The following PCDHA7 variants were observed in gnomAD, a reference collection of about 807,000 sequenced individuals.
The protein encoded by PCDHA7 is protocadherin alpha-7.
PCDHA7 carries 37 observed loss-of-function variants against 57.2 expected under a neutral mutation model. The ratio of observed to expected loss-of-function variants is 0.65; its 90% confidence interval spans 0.50 to 0.85. PCDHA7 has a LOEUF of 0.85. Ranked by LOEUF, PCDHA7 falls within the 40% of genes least tolerant of loss-of-function variation. The pLI, the probability that PCDHA7 is intolerant of heterozygous loss-of-function variation, is 0.00. For missense variants in PCDHA7, 1,188 were observed against 1,241.8 expected (o/e 0.96, Z 0.65); for synonymous variants, 553 against 558.8 (o/e 0.99, Z 0.15).
At chr5:140,883,655 T>A (rs782178754) in intron 1 of PCDHA7, 7 of 1,613,000 alleles carry the variant, frequency 4.3e-6, no homozygotes, top group African/African-American at 1.3e-5. Context: ...GTACACGGTG[T>A]TCGTGAAGGA....
intron 1 of PCDHA7, among the ~76,000 whole-genome samples, chr5:140,933,543 A>C (rs888580290): frequency 6.6e-6 from 1 of 152,092 alleles, no homozygotes; most frequent in Non-Finnish European, 1.5e-5. Flanking sequence ...AATAATGTTA[A>C]TATAAAATAA....
rs1338277254 is a variant in PCDHA7, at chr5:140,835,863, CT to C, written c.1481del (p.Leu494ArgfsTer42). 1 of 1,612,100 alleles carries C rather than the reference CT, an allele frequency of 6.2e-7. No homozygotes were observed. The highest frequency in any genetic ancestry group is 8.5e-7 in the Non-Finnish European group (1 of 1,179,640). The part of the protein sequence containing the change: ...AQKNALVSYS[L>X]VELRVGERAL... ...GAAGAACGCGCTGGTGTCCTACTCG[CT>C]GGTGGAGCTGCGGGTGGGCGAGCGC... is the stretch of plus-strand genomic sequence containing the variant. On this transcript the variant is annotated frameshift_variant, in exon 1 of 4. Coordinates refer to ENST00000525929, the MANE Select transcript of PCDHA7 (RefSeq NM_018910.3). LOFTEE classifies it high-confidence loss of function.
Position 140,941,209 on chromosome 5 carries a change from T to TCCTTTCTTTCTTTC in PCDHA7, c.2356-37740_2356-37739insCCTTTCTTTCTTTC, listed in dbSNP as rs59604197. 5.4e-4 allele frequency among the ~76,000 whole-genome samples: 69 copies of TCCTTTCTTTCTTTC among 126,992 alleles called. 1 individual carries two copies. Among genetic ancestry groups the TCCTTTCTTTCTTTC allele is most frequent in the African/African-American group, 2.2e-3 (68 of 31,202 alleles). The allele number at this position is 126,992 out of a possible 152,430, so 83.3% of individuals were successfully genotyped here. On this transcript the variant is annotated intron_variant, in intron 1 of 3. Coordinates refer to ENST00000525929, the MANE Select transcript of PCDHA7 (RefSeq NM_018910.3). ...TCTTTTTTTTTCTTTCTTCCTTTCT[T>TCCTTTCTTTCTTTC]TCTTCCTTTCTTTCTTTCTTTCTTT...
At chr5:140,941,255 C>CTTTCTTTCTTTCTTTCTTTCTTTCTTTT (rs782490896) in intron 1 of PCDHA7, among the ~76,000 whole-genome samples, 1 of 44,508 alleles carries the variant, frequency 2.2e-5, no homozygotes, top group Non-Finnish European at 5.1e-5. Flanking sequence ...TTCTTTCTTT[C>CTTTCTTTCTTTCTTTCTTTCTTTCTTTT]TCTTTCTTTC....
chr5:140,944,807 A>G (rs1472832230), intron 1 of PCDHA7, among the ~76,000 whole-genome samples: 1 of 152,214 alleles, frequency 6.6e-6, no homozygotes, highest in Non-Finnish European at 1.5e-5. Context: ...TCGAGGGTCC[A>G]CAGTGATCTT....
intron 2 of PCDHA7, among the ~76,000 whole-genome samples, chr5:140,980,889 T>C (rs1554242442): frequency 2.6e-5 from 4 of 152,202 alleles, no homozygotes; most frequent in Non-Finnish European, 4.4e-5. Flanking sequence ...GTCTTTCCAG[T>C]CTTGGACATC....
intron 1 of PCDHA7, chr5:140,928,471 G>A: frequency 6.2e-7 from 1 of 1,614,148 alleles, no homozygotes; most frequent in South Asian, 1.1e-5. Context: ...CCAAGTAGAA[G>A]GCCGGGATGG....
chr5:141,000,417 A>ATTT (rs1563652061), intron 3 of PCDHA7, among the ~76,000 whole-genome samples: 30 of 77,716 alleles, frequency 3.9e-4, no homozygotes, highest in South Asian at 4.7e-4. Flanking sequence ...ATATATATAT[A>ATTT]TATATTTTTT....
intron 1 of PCDHA7, chr5:140,850,381 G>C (rs2041568642): frequency 2.5e-6 from 4 of 1,597,894 alleles, no homozygotes; most frequent in Non-Finnish European, 3.4e-6. Flanking sequence ...CTGTACACGG[G>C]CGAGATCAGC....
chr5:140,952,565 C>T (rs1255567969), intron 1 of PCDHA7, among the ~76,000 whole-genome samples: 3 of 152,142 alleles, frequency 2.0e-5, no homozygotes, highest in African/African-American at 4.8e-5. Flanking sequence ...ATCAGCACTT[C>T]GGTCCCAATC....
At chr5:140,873,823 G>T (rs2054513552) in intron 1 of PCDHA7, among the ~76,000 whole-genome samples, 1 of 152,076 alleles carries the variant, frequency 6.6e-6, no homozygotes, top group Non-Finnish European at 1.5e-5. Context: ...ACCACTCCTG[G>T]CTAATTTTTG....
chr5:140,983,523 T>G (rs1186391173), intron 3 of PCDHA7, among the ~76,000 whole-genome samples: 1 of 152,224 alleles, frequency 6.6e-6, no homozygotes, highest in East Asian at 1.9e-4. Flanking sequence ...CTGTGCCAAG[T>G]ACATTGTATG....
intron 3 of PCDHA7, among the ~76,000 whole-genome samples, chr5:140,986,392 C>T (rs1331552974): frequency 1.3e-5 from 2 of 152,162 alleles, no homozygotes; most frequent in South Asian, 2.1e-4. Context: ...CATTAAAGGG[C>T]CAGTCGCTCA....
intron 1 of PCDHA7, among the ~76,000 whole-genome samples, chr5:140,970,367 TA>T (rs1554232416): frequency 6.6e-6 from 1 of 152,216 alleles, no homozygotes; most frequent in Non-Finnish European, 1.5e-5. Flanking sequence ...TGATTTGCTA[TA>T]GCTTCAAAAG....
chr5:140,860,179 T>C (rs1448179121), intron 1 of PCDHA7: 2 of 148,944 alleles, frequency 1.3e-5, no homozygotes, highest in African/African-American at 4.9e-5. Flanking sequence ...ATATATATGA[T>C]GGGCTCTCCT....
At chr5:140,914,807 A>G (rs929659841) in intron 1 of PCDHA7, among the ~76,000 whole-genome samples, 2 of 152,330 alleles carry the variant, frequency 1.3e-5, no homozygotes, top group Middle Eastern at 3.4e-3. Context: ...ACTGATGGCA[A>G]CTTAACAGAC....
chr5:140,905,399 A>AT (rs1414882789), intron 1 of PCDHA7, among the ~76,000 whole-genome samples: 8 of 152,142 alleles, frequency 5.3e-5, no homozygotes, highest in African/African-American at 1.9e-4. Context: ...CTGTGTGCCT[A>AT]TTTTTATACC....
At chr5:140,950,452 C>A (rs1030639288) in intron 1 of PCDHA7, among the ~76,000 whole-genome samples, 12 of 151,888 alleles carry the variant, frequency 7.9e-5, no homozygotes, top group African/African-American at 2.7e-4. Context: ...ATTCTACTGT[C>A]TTCTAATGCT....
chr5:140,882,859 G>A (rs2059337136), intron 1 of PCDHA7: 1 of 1,614,192 alleles, frequency 6.2e-7, no homozygotes, highest in East Asian at 2.2e-5. Context: ...TTGTACTGAG[G>A]AAAACACTGG....
Sources: gnomAD v4.1 joint callset for allele counts (sites outside exome capture counted in the v4.1 genomes callset) on GRCh38, gnomAD v4.1.1 for gene constraint, MANE v1.5 for transcripts, NCBI Gene and HGNC (gene_info 2026-07-23, HGNC 2026-07-21) for gene names.